TIA1: variants seen among roughly 807,000 people sequenced by gnomAD.
The protein encoded by TIA1 is TIA1 cytotoxic granule associated RNA binding protein, also known as cytotoxic granule associated RNA binding protein TIA1.
In TIA1, 23 loss-of-function variants were observed where a neutral mutation model predicts 65.9. That is an observed-to-expected ratio of 0.35 (90% CI 0.25 to 0.49). The LOEUF (loss-of-function observed/expected upper bound fraction) is 0.49. Among genes scored for constraint, TIA1 ranks in the 20% least tolerant of loss-of-function variants. The probability of loss-of-function intolerance (pLI) is 0.98; values close to 1 mark genes in which losing one functional copy is unlikely to be tolerated. For synonymous variants in TIA1, 147 were observed against 149.4 expected (o/e 0.98, Z 0.12); for missense variants, 371 against 477.9 (o/e 0.78, Z 2.09).
At chr2:70,219,397 A>C (rs2104049946) in intron 7 of TIA1, among the ~76,000 whole-genome samples, 1 of 152,334 alleles carries the variant, frequency 6.6e-6, no homozygotes, top group Admixed American at 6.5e-5. Flanking sequence ...AATGGAGTGT[A>C]ACTTTTGTGT....
intron 7 of TIA1, among the ~76,000 whole-genome samples, chr2:70,224,081 A>G (rs992196168): frequency 2.0e-5 from 3 of 151,720 alleles, no homozygotes; most frequent in Non-Finnish European, 2.9e-5. Flanking sequence ...CCACGCCCGG[A>G]TAATTTTTGT....
At chr2:70,248,369 A>ACCAT in intron 1 of TIA1, 36 bp downstream of exon 1, 3 of 1,595,572 alleles carry the variant, frequency 1.9e-6, no homozygotes, top group Non-Finnish European at 2.5e-6. Context: ...CGGGACGACC[A>ACCAT]CCATCCCGCC....
intron 7 of TIA1, among the ~76,000 whole-genome samples, chr2:70,221,798 AT>A (rs59035343): frequency 4.7e-5 from 7 of 149,380 alleles, no homozygotes; most frequent in South Asian, 2.1e-4. Context: ...TAAAAAAAAA[AT>A]TTTTTTTTTT....
intron 1 of TIA1, among the ~76,000 whole-genome samples, chr2:70,246,758 C>T (rs1185639015): frequency 4.0e-5 from 6 of 151,870 alleles, no homozygotes; most frequent in Non-Finnish European, 5.9e-5. Context: ...TGGTGGTGCC[C>T]GCATGTAGTG....
intron 1 of TIA1, among the ~76,000 whole-genome samples, chr2:70,242,494 C>CAAAAAAAAAAAAAAA (rs11380260): frequency 3.0e-5 from 1 of 33,468 alleles, no homozygotes; most frequent in African/African-American, 1.4e-4. Flanking sequence ...GACTCAGTCT[C>CAAAAAAAAAAAAAAA]AAAAAAAAAA....
chr2:70,225,747 T>C (rs1683497279), intron 6 of TIA1, among the ~76,000 whole-genome samples: 1 of 152,204 alleles, frequency 6.6e-6, no homozygotes, highest in African/African-American at 2.4e-5. Context: ...CAAAAATACT[T>C]AATAAATTAT....
intron 12 of TIA1, among the ~76,000 whole-genome samples, chr2:70,213,141 C>A (rs1350739837): frequency 3.9e-5 from 6 of 151,998 alleles, no homozygotes; most frequent in Admixed American, 3.3e-4. Context: ...AAAACCTAAC[C>A]CCATTCTTGG....
chr2:70,227,587 A>T, intron 6 of TIA1, 148 bp downstream of exon 6: 1 of 478,778 alleles, frequency 2.1e-6, no homozygotes, highest in Non-Finnish European at 3.6e-6. Flanking sequence ...TTTTGCTGTT[A>T]ACTTCTTGAA....
intron 6 of TIA1, among the ~76,000 whole-genome samples, chr2:70,225,941 A>T (rs1683588002): frequency 6.6e-6 from 1 of 152,178 alleles, no homozygotes; most frequent in Non-Finnish European, 1.5e-5. Context: ...TCAAGCACTG[A>T]TATTTGCACT....
intron 7 of TIA1, among the ~76,000 whole-genome samples, chr2:70,221,222 G>C (rs1045405991): frequency 2.0e-5 from 3 of 151,842 alleles, no homozygotes; most frequent in Non-Finnish European, 4.4e-5. Flanking sequence ...GGTCAGGCTG[G>C]TCTCGAACTT....
At chr2:70,216,771 T>A in intron 8 of TIA1, 115 bp downstream of exon 8, 1 of 1,603,898 alleles carries the variant, frequency 6.2e-7, no homozygotes, top group South Asian at 1.1e-5. Flanking sequence ...ATAGTAGTCT[T>A]GATTTGCTTC....
At chr2:70,229,710 A>G (rs1685303341) in intron 3 of TIA1, among the ~76,000 whole-genome samples, 2 of 152,154 alleles carry the variant, frequency 1.3e-5, no homozygotes, top group South Asian at 4.1e-4. Context: ...AGGCCAAGAC[A>G]GGCGGATCAC....
chr2:70,223,634 G>C (rs987569612), intron 7 of TIA1, among the ~76,000 whole-genome samples: 5 of 151,274 alleles, frequency 3.3e-5, no homozygotes, highest in African/African-American at 9.7e-5. Flanking sequence ...GGTTGGTCTT[G>C]AACTCCTGAC....
chr2:70,218,484 T>TGCAGTGGCGCGTTC (rs1477348288), intron 7 of TIA1, among the ~76,000 whole-genome samples: 2 of 152,122 alleles, frequency 1.3e-5, no homozygotes, highest in Non-Finnish European at 2.9e-5. Flanking sequence ...CAGGCTGGAG[T>TGCAGTGGCGCGTTC]GCAGTGGCGC....
At chr2:70,213,430 G>A (rs1403716844) in intron 12 of TIA1, among the ~76,000 whole-genome samples, 3 of 148,878 alleles carry the variant, frequency 2.0e-5, no homozygotes, top group Middle Eastern at 3.4e-3. Flanking sequence ...TGCAACCTAC[G>A]TCTCCCCAGG....
chr2:70,217,077 G>A, intron 7 of TIA1, 83 bp from the exon 8 acceptor site: 1 of 1,386,820 alleles, frequency 7.2e-7, no homozygotes, highest in Non-Finnish European at 9.6e-7. Context: ...AAAACTTGGT[G>A]CTTTTCACAA....
intron 2 of TIA1, among the ~76,000 whole-genome samples, chr2:70,232,847 C>T (rs556371346): frequency 7.6e-4 from 116 of 151,696 alleles, no homozygotes; most frequent in South Asian, 3.1e-3. Flanking sequence ...CCAGTCTGGG[C>T]GCACAGCGAG....
intron 1 of TIA1, among the ~76,000 whole-genome samples, chr2:70,238,650 T>C (rs1690237786): frequency 1.3e-5 from 2 of 152,096 alleles, no homozygotes; most frequent in South Asian, 4.1e-4. Flanking sequence ...TACTGATCAG[T>C]AGAAGAGGGG....
chr2:70,216,626 T>G, intron 8 of TIA1, 127 bp from the exon 9 acceptor site: 3 of 1,296,388 alleles, frequency 2.3e-6, no homozygotes, highest in African/African-American at 1.5e-5. Flanking sequence ...TTACACATAT[T>G]ATACTTCAGT....
Sources: allele counts gnomAD v4.1 joint callset (sites outside exome capture counted in the v4.1 genomes callset), GRCh38; gene constraint gnomAD v4.1.1; transcripts MANE v1.5; gene names NCBI Gene and HGNC (gene_info 2026-07-23, HGNC 2026-07-21).